Variants in CALN1 observed in about 807,000 individuals in gnomAD.
CALN1 encodes the protein calneuron 1.
CALN1 carries 17 observed loss-of-function variants against 30.6 expected under a neutral mutation model. That is an observed-to-expected ratio of 0.56 (90% CI 0.38 to 0.83). The LOEUF is 0.83. Among genes scored for constraint, CALN1 ranks in the 40% least tolerant of loss-of-function variants. CALN1 has a pLI of 0.00. For synonymous variants in CALN1, 156 were observed against 131.4 expected (o/e 1.19, Z -1.28); for missense variants, 291 against 354.9 (o/e 0.82, Z 1.45).
At position 71,846,553 on chromosome 7, in the gene CALN1, G is replaced by A. The variant is rs1326400914; in HGVS notation, c.502-36061C>T. On this transcript the variant is annotated intron_variant, in intron 5 of 6. Coordinates refer to ENST00000395275, the MANE Select transcript of CALN1 (RefSeq NM_031468.4). ...GCGCGTGCGTGTGTGTGTATAGATA[G>A]ATATAGATATGCATATATATCAAGC... Among the ~76,000 whole-genome samples the A allele has an allele frequency of 5.3e-5, 8 of 152,034 alleles. No homozygotes were observed. The South Asian group carries it at 8.3e-4, about 16-fold the overall frequency.
At chr7:72,296,917 CT>C (rs1174408043) in intron 2 of CALN1, among the ~76,000 whole-genome samples, 1 of 150,998 alleles carries the variant, frequency 6.6e-6, no homozygotes, top group African/African-American at 2.4e-5. Flanking sequence ...AATGTGTTTG[CT>C]CTTGCTTTTC....
At chr7:72,021,948 G>A (rs1263563844) in intron 5 of CALN1, among the ~76,000 whole-genome samples, 4 of 152,076 alleles carry the variant, frequency 2.6e-5, no homozygotes, top group Non-Finnish European at 5.9e-5. Flanking sequence ...TGGGAACTCT[G>A]GAATCAGCCT....
chr7:71,928,969 T>G (rs1795412366), intron 5 of CALN1, among the ~76,000 whole-genome samples: 1 of 150,318 alleles, frequency 6.7e-6, no homozygotes, highest in Non-Finnish European at 1.5e-5. Context: ...AGGGACCCAC[T>G]TCCCTGCTTT....
chr7:71,822,227 T>G (rs1414754814), intron 5 of CALN1, among the ~76,000 whole-genome samples: 1 of 145,338 alleles, frequency 6.9e-6, no homozygotes, highest in Non-Finnish European at 1.5e-5. Flanking sequence ...CATATTTGGC[T>G]GTACTGTTGT....
chr7:72,262,053 A>G (rs1183850623), intron 3 of CALN1, among the ~76,000 whole-genome samples: 1 of 152,210 alleles, frequency 6.6e-6, no homozygotes, highest in East Asian at 1.9e-4. Flanking sequence ...AGGAAGGCAG[A>G]GAAATATTTC....
intron 2 of CALN1, among the ~76,000 whole-genome samples, chr7:72,302,376 A>G (rs1402166721): frequency 6.6e-6 from 1 of 152,240 alleles, no homozygotes; most frequent in Middle Eastern, 3.2e-3. Context: ...TCATGCTGAC[A>G]TTAAACTGCA....
intron 5 of CALN1, among the ~76,000 whole-genome samples, chr7:71,883,722 T>C (rs1792723029): frequency 6.6e-6 from 1 of 152,160 alleles, no homozygotes; most frequent in Non-Finnish European, 1.5e-5. Flanking sequence ...AACCTTGATG[T>C]GATCGTATTT....
chr7:72,437,662 CT>C (rs1477328412), intron 1 of CALN1, among the ~76,000 whole-genome samples: 6 of 121,256 alleles, frequency 4.9e-5, no homozygotes, highest in African/African-American at 2.0e-4. Context: ...TCTTTCTTTT[CT>C]TTCTTTCTTT....
intron 2 of CALN1, among the ~76,000 whole-genome samples, chr7:72,391,008 C>T (rs1475090534): frequency 6.6e-6 from 1 of 152,124 alleles, no homozygotes; most frequent in Non-Finnish European, 1.5e-5. Flanking sequence ...TTTCTTTGTA[C>T]ATTGTAATTT....
chr7:72,471,248 C>G, the CALN1 span, among the ~76,000 whole-genome samples: 1 of 152,112 alleles, frequency 6.6e-6, no homozygotes, highest in Non-Finnish European at 1.5e-5. Context: ...TAACTAGCCC[C>G]CAGAATTCCT....
intron 4 of CALN1, among the ~76,000 whole-genome samples, chr7:72,037,031 G>A (rs1801841651): frequency 6.6e-6 from 1 of 152,214 alleles, no homozygotes; most frequent in African/African-American, 2.4e-5. Context: ...CCAGGCTGGA[G>A]TGCAGTGGTG....
At chr7:71,903,043 A>C (rs1172732204) in intron 5 of CALN1, among the ~76,000 whole-genome samples, 2 of 151,982 alleles carry the variant, frequency 1.3e-5, no homozygotes, top group African/African-American at 2.4e-5. Context: ...AATTTAAAAA[A>C]AATTTTTACT....
At chr7:71,824,296 A>G (rs1788781560) in intron 5 of CALN1, among the ~76,000 whole-genome samples, 2 of 151,932 alleles carry the variant, frequency 1.3e-5, no homozygotes, top group African/African-American at 2.4e-5. Context: ...CCCTTCCTCA[A>G]TCATTGTCCC....
intron 2 of CALN1, among the ~76,000 whole-genome samples, chr7:72,326,243 T>C (rs1801268011): frequency 6.6e-6 from 1 of 152,178 alleles, no homozygotes; most frequent in Admixed American, 6.6e-5. Context: ...ACTCAGATCC[T>C]GATCGTCCTT....
rs1367258171 is a variant in CALN1 at position 72,109,544 on chromosome 7, C to T, written c.245-3250G>A. Among the ~76,000 whole-genome samples the T allele has an allele frequency of 2.6e-5, 4 of 152,190 alleles. No individual in the cohort carries two copies. The South Asian group carries it at 6.2e-4, about 24-fold the overall frequency. ...GTCCAACCCAAATTCTGAATCAAGG[C>T]GTTTGTCTGCATTTTGAGCTTTTCC... On this transcript the variant is annotated intron_variant, in intron 3 of 6. Transcript: ENST00000395275.
intron 2 of CALN1, among the ~76,000 whole-genome samples, chr7:72,304,705 C>T (rs1250260216): frequency 6.6e-6 from 1 of 152,058 alleles, no homozygotes. Flanking sequence ...CTATGTAGGG[C>T]ATAATCACAA....
At chr7:72,211,649 T>G (rs1157342068) in intron 3 of CALN1, among the ~76,000 whole-genome samples, 1 of 152,210 alleles carries the variant, frequency 6.6e-6, no homozygotes, top group African/African-American at 2.4e-5. Context: ...GTTCTATGAA[T>G]GTTAGCTATC....
At chr7:71,901,692 G>T (rs1793858981) in intron 5 of CALN1, among the ~76,000 whole-genome samples, 1 of 152,088 alleles carries the variant, frequency 6.6e-6, no homozygotes, top group Non-Finnish European at 1.5e-5. Context: ...TTCAATAAAT[G>T]GTTCTGGAAA....
chr7:72,408,650 A>AAT (rs1285431410), intron 1 of CALN1, among the ~76,000 whole-genome samples: 2 of 148,680 alleles, frequency 1.3e-5, no homozygotes, highest in African/African-American at 5.0e-5. Context: ...AAGACATACA[A>AAT]ATGACCACCA....
Sources: allele counts gnomAD v4.1 joint callset (sites outside exome capture counted in the v4.1 genomes callset), GRCh38; gene constraint gnomAD v4.1.1; transcripts MANE v1.5; gene names NCBI Gene and HGNC (gene_info 2026-07-23, HGNC 2026-07-21).